RAPGEF6: variants seen among roughly 807,000 people sequenced by gnomAD.
RAPGEF6 encodes Rap guanine nucleotide exchange factor 6, also known as PDZ domain containing guanine nucleotide exchange factor (GEF) 2.
In RAPGEF6, 56 loss-of-function variants were observed where a neutral mutation model predicts 171.4. The observed-to-expected ratio is 0.33, with a 90% confidence interval of 0.26 to 0.41. The LOEUF (loss-of-function observed/expected upper bound fraction) is 0.41. Among genes scored for constraint, RAPGEF6 ranks in the 10% least tolerant of loss-of-function variants. The pLI, the probability that RAPGEF6 is intolerant of heterozygous loss-of-function variation, is 1.00. For missense variants in RAPGEF6, 1,674 were observed against 1,921.4 expected, an observed-to-expected ratio of 0.87 and a Z score of 2.41; for synonymous variants, 692 against 650.1, an observed-to-expected ratio of 1.06 and a Z score of -0.98.
intron 5 of RAPGEF6, among the ~76,000 whole-genome samples, chr5:131,552,243 C>A (rs1230127343): frequency 2.6e-5 from 4 of 151,546 alleles, no homozygotes; most frequent in Admixed American, 1.3e-4. Context: ...CAGAAGGGGA[C>A]AGGAAGAAAA....
intron 9 of RAPGEF6, among the ~76,000 whole-genome samples, chr5:131,506,576 C>A (rs1322225151): frequency 6.6e-6 from 1 of 152,096 alleles, no homozygotes; most frequent in Non-Finnish European, 1.5e-5. Context: ...GAAGGGTAAT[C>A]AATGGCAATA....
chr5:131,529,345 A>T (rs1759207395), intron 6 of RAPGEF6, among the ~76,000 whole-genome samples: 2 of 151,954 alleles, frequency 1.3e-5, no homozygotes, highest in Non-Finnish European at 2.9e-5. Flanking sequence ...GAGTGGTGGC[A>T]GATGCCTGTA....
At chr5:131,469,566 A>G (rs1754605702) in intron 17 of RAPGEF6, among the ~76,000 whole-genome samples, 2 of 152,198 alleles carry the variant, frequency 1.3e-5, no homozygotes, top group South Asian at 4.1e-4. Context: ...CCCAAAGAAC[A>G]TTTCAGAAGT....
rs140447837 is a variant in RAPGEF6 at position 131,582,471 on chromosome 5, T to C, written c.281+9912A>G. On this transcript the variant is annotated intron_variant, in intron 4 of 27. Coordinates refer to ENST00000509018, the MANE Select transcript of RAPGEF6 (RefSeq NM_016340.6). ...ATAGATCACACACCTAAATAGATCA[T>C]AGTAAAAGCTAAAACTGTAAAACTT... Among the ~76,000 whole-genome samples, 349 of 152,214 alleles carry C rather than the reference T, an allele frequency of 2.3e-3. 1 individual carries two copies. Among genetic ancestry groups the C allele is most frequent in the Middle Eastern group, 6.8e-3 (2 of 294 alleles).
At chr5:131,570,480 G>A (rs1191153287) in intron 4 of RAPGEF6, among the ~76,000 whole-genome samples, 1 of 151,986 alleles carries the variant, frequency 6.6e-6, no homozygotes. Flanking sequence ...GAAAACACAT[G>A]GCCATATAAA....
At chr5:131,517,164 T>C (rs1221812843) in intron 7 of RAPGEF6, among the ~76,000 whole-genome samples, 2 of 152,138 alleles carry the variant, frequency 1.3e-5, no homozygotes, top group Admixed American at 6.5e-5. Flanking sequence ...GAATGGGTAT[T>C]ATGCTCACTA....
chr5:131,548,302 C>A, intron 5 of RAPGEF6, 112 bp from the exon 6 acceptor site: 1 of 1,077,934 alleles, frequency 9.3e-7, no homozygotes, highest in Non-Finnish European at 1.3e-6. Flanking sequence ...TTACAAGAAA[C>A]TGCCTCAAGA....
intron 15 of RAPGEF6, 116 bp from the exon 16 acceptor site, chr5:131,479,869 T>C (rs530676117): frequency 3.7e-6 from 4 of 1,069,552 alleles, no homozygotes; most frequent in Non-Finnish European, 5.3e-6. Flanking sequence ...TTTCTCAGTC[T>C]CATTCAACTA....
chr5:131,448,381 G>A (rs1752854604), intron 21 of RAPGEF6, among the ~76,000 whole-genome samples: 3 of 152,068 alleles, frequency 2.0e-5, no homozygotes, highest in South Asian at 4.1e-4. Flanking sequence ...AAAATCCATA[G>A]CCAAGTCCAT....
At chr5:131,452,207 G>A (rs1367397812) in intron 21 of RAPGEF6, among the ~76,000 whole-genome samples, 2 of 121,968 alleles carry the variant, frequency 1.6e-5, no homozygotes, top group African/African-American at 6.5e-5. Flanking sequence ...GCGACAGAGC[G>A]AGACTCCGTC....
At chr5:131,605,807 G>T (rs1764523224) in intron 1 of RAPGEF6, among the ~76,000 whole-genome samples, 1 of 151,934 alleles carries the variant, frequency 6.6e-6, no homozygotes, top group Non-Finnish European at 1.5e-5. Flanking sequence ...GAGGCGGGCG[G>T]AACATGAGGT....
intron 24 of RAPGEF6, among the ~76,000 whole-genome samples, chr5:131,437,781 G>T (rs1175932802): frequency 6.6e-6 from 1 of 152,150 alleles, no homozygotes; most frequent in Non-Finnish European, 1.5e-5. Flanking sequence ...GATGAAAAAA[G>T]CAAGTGAGTA....
intron 6 of RAPGEF6, among the ~76,000 whole-genome samples, chr5:131,531,356 G>C (rs182673918): frequency 3.9e-5 from 6 of 152,304 alleles, no homozygotes; most frequent in Non-Finnish European, 8.8e-5. Flanking sequence ...GATAACTTGA[G>C]TGGCATCAAA....
chr5:131,604,818 A>C (rs962695948), intron 1 of RAPGEF6, 125 bp from the exon 2 acceptor site: 36 of 1,189,814 alleles, frequency 3.0e-5, no homozygotes, highest in Non-Finnish European at 3.8e-5. Flanking sequence ...TGGAAAAATC[A>C]TAAAACCTCT....
At chr5:131,595,231 TC>T (rs1392254529) in intron 3 of RAPGEF6, among the ~76,000 whole-genome samples, 1 of 152,116 alleles carries the variant, frequency 6.6e-6, no homozygotes, top group Non-Finnish European at 1.5e-5. Context: ...GACAGTGAGT[TC>T]CACAAGATCT....
At chr5:131,461,169 C>G (rs77012334) in intron 19 of RAPGEF6, among the ~76,000 whole-genome samples, 5,054 of 152,212 alleles carry the variant, frequency 0.033, 212 homozygotes, top group African/African-American at 0.099. Flanking sequence ...TTTTATTATT[C>G]TAACAGCCTA....
At chr5:131,591,201 G>T (rs1580637046) in intron 4 of RAPGEF6, among the ~76,000 whole-genome samples, 1 of 152,210 alleles carries the variant, frequency 6.6e-6, no homozygotes, top group East Asian at 1.9e-4. Context: ...ACAATTGGAA[G>T]TCTTACTTTA....
intron 7 of RAPGEF6, among the ~76,000 whole-genome samples, chr5:131,520,516 T>C (rs1206772259): frequency 6.6e-6 from 1 of 152,246 alleles, no homozygotes; most frequent in Non-Finnish European, 1.5e-5. Context: ...AATTTAAAAT[T>C]AAATACGTGG....
At chr5:131,568,256 C>A (rs1170675972) in intron 4 of RAPGEF6, among the ~76,000 whole-genome samples, 2 of 151,928 alleles carry the variant, frequency 1.3e-5, no homozygotes, top group African/African-American at 4.8e-5. Flanking sequence ...TCTTCCTGTA[C>A]TACTATCATT....
Sources: gnomAD v4.1 joint callset for allele counts (sites outside exome capture counted in the v4.1 genomes callset) on GRCh38, gnomAD v4.1.1 for gene constraint, MANE v1.5 for transcripts, NCBI Gene and HGNC (gene_info 2026-07-23, HGNC 2026-07-21) for gene names.